Variants in HHAT observed in about 807,000 individuals in gnomAD.
HHAT encodes the protein protein-cysteine N-palmitoyltransferase HHAT.
Under a neutral mutation model 70.8 loss-of-function variants are expected in HHAT, and 47 were observed. The observed-to-expected ratio is 0.66, with a 90% confidence interval of 0.53 to 0.85. The LOEUF (loss-of-function observed/expected upper bound fraction) is 0.85, where lower values mean the gene tolerates loss of function less well. Among genes scored for constraint, HHAT ranks in the 40% least tolerant of loss-of-function variants. The pLI is 0.00. For missense variants in HHAT, 609 were observed against 604.8 expected, an observed-to-expected ratio of 1.01 and a Z score of -0.07; for synonymous variants, 228 against 247.6, an observed-to-expected ratio of 0.92 and a Z score of 0.74.
rs376032980 is a variant in HHAT, at chr1:210,418,335, G to A, written c.856+10G>A. ...TCTTGTTGGACCTTAGGTAATTGTGGGAATCACCAACAGTGGGATGAGCCC... is the reference window on the plus strand; with the variant it reads ...TCTTGTTGGACCTTAGGTAATTGTGAGAATCACCAACAGTGGGATGAGCCC... On this transcript the variant is annotated intron_variant, in intron 7 of 11. Transcript: ENST00000261458. 325 of 1,567,376 alleles carry A rather than the reference G, an allele frequency of 2.1e-4. 3 individuals carry two copies. The South Asian group carries it at 3.7e-3, about 18-fold the overall frequency.
intron 11 of HHAT, among the ~76,000 whole-genome samples, chr1:210,639,258 T>C (rs1672523858): frequency 6.6e-6 from 1 of 152,108 alleles, no homozygotes; most frequent in South Asian, 2.1e-4. Flanking sequence ...TCCCTCACTC[T>C]GTCAATCCAA....
intron 9 of HHAT, among the ~76,000 whole-genome samples, chr1:210,574,101 G>C (rs1388903369): frequency 6.6e-6 from 1 of 152,196 alleles, no homozygotes; most frequent in African/African-American, 2.4e-5. Flanking sequence ...TGGTGAGGTA[G>C]CTCGGAAGTA....
intron 9 of HHAT, among the ~76,000 whole-genome samples, chr1:210,533,975 G>A (rs2095343133): frequency 6.6e-6 from 1 of 152,202 alleles, no homozygotes; most frequent in Non-Finnish European, 1.5e-5. Flanking sequence ...CACTGTGGAA[G>A]ATGGCGTTAG....
chr1:210,650,759 C>T (rs1345244540), intron 11 of HHAT, among the ~76,000 whole-genome samples: 1 of 152,120 alleles, frequency 6.6e-6, no homozygotes, highest in Non-Finnish European at 1.5e-5. Flanking sequence ...CTTTGGAGCC[C>T]TTCTTTGCTT....
At chr1:210,403,553 G>T (rs2092182331) in intron 5 of HHAT, among the ~76,000 whole-genome samples, 1 of 152,090 alleles carries the variant, frequency 6.6e-6, no homozygotes. Flanking sequence ...CTTTTCCCTT[G>T]GTGGCTGCTA....
intron 10 of HHAT, among the ~76,000 whole-genome samples, chr1:210,592,201 T>G (rs1661871777): frequency 6.6e-6 from 1 of 152,074 alleles, no homozygotes; most frequent in Non-Finnish European, 1.5e-5. Flanking sequence ...TTGATTTGAT[T>G]TTTTTTAATA....
chr1:210,443,189 G>A (rs1223227584), intron 7 of HHAT, among the ~76,000 whole-genome samples: 2 of 150,884 alleles, frequency 1.3e-5, no homozygotes, highest in African/African-American at 2.4e-5. Context: ...GCTCTGTTCT[G>A]TTCCATTGAT....
intron 10 of HHAT, among the ~76,000 whole-genome samples, chr1:210,619,897 T>C (rs1204996092): frequency 6.6e-6 from 1 of 152,258 alleles, no homozygotes; most frequent in African/African-American, 2.4e-5. Flanking sequence ...ATTATTGCCT[T>C]AGCTGATGAA....
chr1:210,444,755 C>T (rs1023250438), intron 7 of HHAT, among the ~76,000 whole-genome samples: 7 of 152,194 alleles, frequency 4.6e-5, no homozygotes, highest in Admixed American at 3.9e-4. Context: ...TTTGAGCAAT[C>T]CTTCCACCTC....
intron 8 of HHAT, among the ~76,000 whole-genome samples, chr1:210,512,630 C>T (rs922625230): frequency 5.4e-5 from 8 of 148,334 alleles, no homozygotes; most frequent in African/African-American, 1.3e-4. Flanking sequence ...GTGATCGCAC[C>T]GCTGCACTTC....
At chr1:210,632,467 A>T (rs74504129) in intron 11 of HHAT, among the ~76,000 whole-genome samples, 2,608 of 152,332 alleles carry the variant, frequency 0.017, 37 homozygotes, top group Middle Eastern at 0.027. Flanking sequence ...TTTACATGGC[A>T]TGAGGAAGCT....
chr1:210,574,689 C>T (rs1019986087), intron 9 of HHAT, among the ~76,000 whole-genome samples: 10 of 152,196 alleles, frequency 6.6e-5, no homozygotes, highest in African/African-American at 2.4e-4. Flanking sequence ...GGCCATGGGC[C>T]ATGGGCCCTG....
chr1:210,542,686 G>C (rs2095443087), intron 9 of HHAT, among the ~76,000 whole-genome samples: 1 of 151,980 alleles, frequency 6.6e-6, no homozygotes, highest in African/African-American at 2.4e-5. Context: ...TGTAGTTCCA[G>C]CCACTCAGGA....
At chr1:210,592,054 A>G (rs185339406) in intron 10 of HHAT, among the ~76,000 whole-genome samples, 1 of 151,854 alleles carries the variant, frequency 6.6e-6, no homozygotes, top group African/African-American at 2.4e-5. Flanking sequence ...CCATTTGTCT[A>G]TTTTTGCTTG....
chr1:210,576,199 T>C (rs1461490031), intron 9 of HHAT, among the ~76,000 whole-genome samples: 1 of 152,148 alleles, frequency 6.6e-6, no homozygotes, highest in Non-Finnish European at 1.5e-5. Context: ...AGAAAGCAGT[T>C]CAGTGTTCTT....
chr1:210,449,463 C>T (rs566136838), intron 7 of HHAT, among the ~76,000 whole-genome samples: 60 of 152,328 alleles, frequency 3.9e-4, no homozygotes, highest in African/African-American at 1.4e-3. Flanking sequence ...ACTTTTTCCT[C>T]CCCAGCTGCG....
chr1:210,428,992 G>A (rs749769158), intron 7 of HHAT, among the ~76,000 whole-genome samples: 59 of 151,722 alleles, frequency 3.9e-4, no homozygotes, highest in Admixed American at 3.7e-3. Context: ...CTTCCCCTCC[G>A]CACCCACCTC....
rs1294947941 is a variant in HHAT at position 210,455,674 on chromosome 1, G to C, written c.857-8831G>C. Among the ~76,000 whole-genome samples the C allele has an allele frequency of 2.6e-5, 4 of 152,030 alleles. 1 individual carries two copies. The highest frequency in any genetic ancestry group is 9.7e-5 in the African/African-American group (4 of 41,386). On this transcript the variant is annotated intron_variant, in intron 7 of 11. Coordinates refer to ENST00000261458, the MANE Select transcript of HHAT (RefSeq NM_018194.6). ...TGCCCAGGTTCCTATCTGTAAAATGGGGAGTAATAGTAGTTCTCACCACAG... is the reference window on the plus strand; with the variant it reads ...TGCCCAGGTTCCTATCTGTAAAATGCGGAGTAATAGTAGTTCTCACCACAG...
chr1:210,571,279 C>T (rs1212046859), intron 9 of HHAT, among the ~76,000 whole-genome samples: 2 of 152,186 alleles, frequency 1.3e-5, no homozygotes, highest in South Asian at 2.1e-4. Flanking sequence ...CCGTTAGATT[C>T]AAGTCAACAC....
Sources: allele counts gnomAD v4.1 joint callset (sites outside exome capture counted in the v4.1 genomes callset), GRCh38; gene constraint gnomAD v4.1.1; transcripts MANE v1.5; gene names NCBI Gene and HGNC (gene_info 2026-07-23, HGNC 2026-07-21).